Variants in SAMD5 observed in about 807,000 individuals in gnomAD.
The protein encoded by SAMD5 is sterile alpha motif domain-containing protein 5.
A neutral mutation model predicts 11.3 loss-of-function variants in SAMD5; 13 were observed. The ratio of observed to expected loss-of-function variants is 1.15; its 90% CI spans 0.75 to 1.83. The LOEUF (loss-of-function observed/expected upper bound fraction) is 1.83, where lower values mean the gene tolerates loss of function less well. Among genes scored for constraint, SAMD5 ranks in the 40% most tolerant of loss-of-function variants. SAMD5 has a pLI of 0.00. For synonymous variants in SAMD5, 129 were observed against 111.3 expected (o/e 1.16, Z -1.00); for missense variants, 255 against 239.1 (o/e 1.07, Z -0.44).
At chr6:147,787,587 T>G in the SAMD5 span, among the ~76,000 whole-genome samples, 1 of 152,190 alleles carries the variant, frequency 6.6e-6, no homozygotes, top group Non-Finnish European at 1.5e-5. Context: ...TTCTCAATCT[T>G]GTCAGTAATG....
intron 1 of SAMD5, among the ~76,000 whole-genome samples, chr6:147,600,001 T>G (rs950484320): frequency 6.6e-6 from 1 of 152,054 alleles, no homozygotes; most frequent in Non-Finnish European, 1.5e-5. Flanking sequence ...GAGGTGTGTG[T>G]GGGACCAGTC....
At chr6:147,921,672 G>A in the SAMD5 span, among the ~76,000 whole-genome samples, 1 of 152,194 alleles carries the variant, frequency 6.6e-6, no homozygotes, top group Admixed American at 6.5e-5. Context: ...GCATTGGGAG[G>A]TGGTAGTGTT....
intron 1 of SAMD5, among the ~76,000 whole-genome samples, chr6:147,516,265 C>T (rs919493650): frequency 1.3e-5 from 2 of 152,148 alleles, no homozygotes; most frequent in Admixed American, 1.3e-4. Context: ...CCCATCTCCC[C>T]GACTAAGAAA....
the SAMD5 span, among the ~76,000 whole-genome samples, chr6:147,805,424 A>G: frequency 5.4e-5 from 8 of 149,116 alleles, no homozygotes; most frequent in Admixed American, 5.3e-4. Flanking sequence ...GTTATATTGT[A>G]GTAATGGAAA....
the SAMD5 span, among the ~76,000 whole-genome samples, chr6:147,773,916 C>T: frequency 6.6e-6 from 1 of 152,136 alleles, no homozygotes. Flanking sequence ...GATCACAGCT[C>T]ATTGCAGCCT....
intron 1 of SAMD5, among the ~76,000 whole-genome samples, chr6:147,556,946 C>A (rs1183380804): frequency 6.6e-6 from 1 of 152,042 alleles, no homozygotes. Flanking sequence ...ATAAATAAAC[C>A]AGCGGATATT....
At chr6:147,889,068 T>C in the SAMD5 span, among the ~76,000 whole-genome samples, 26 of 152,316 alleles carry the variant, frequency 1.7e-4, no homozygotes, top group Admixed American at 7.8e-4. Context: ...TCAAATACTT[T>C]TTGTTTCCTC....
rs183701933 is a variant in SAMD5, at chr6:147,641,738, C to G, written c.163-95579C>G. Among the ~76,000 whole-genome samples, 9 of 152,246 alleles carry G rather than the reference C, an allele frequency of 5.9e-5. No individual in the cohort carries two copies. The East Asian group carries it at 1.5e-3, about 26-fold the overall frequency. ...AGCGGTCTCAAAACTCCGCTGTGCT[C>G]TTTTCTTCACTGTTGCCAAGCCTTT... On this transcript the variant is annotated intron_variant, in intron 1 of 1. Coordinates refer to the SAMD5 transcript ENST00000566741.
chr6:147,685,711 CTCT>C (rs1388569934), intron 1 of SAMD5, among the ~76,000 whole-genome samples: 1 of 152,034 alleles, frequency 6.6e-6, no homozygotes, highest in East Asian at 1.9e-4. Context: ...GCTTTTTTCT[CTCT>C]TCTTTTTTTT....
intron 1 of SAMD5, among the ~76,000 whole-genome samples, chr6:147,712,097 A>T (rs1279920549): frequency 6.6e-6 from 1 of 152,224 alleles, no homozygotes; most frequent in East Asian, 1.9e-4. Flanking sequence ...TAGTTATTAA[A>T]ATGCATAATA....
At chr6:147,618,007 T>A (rs1307626984) in intron 1 of SAMD5, among the ~76,000 whole-genome samples, 1 of 152,246 alleles carries the variant, frequency 6.6e-6, no homozygotes. Flanking sequence ...CTAATAAGAA[T>A]GACAAAACTT....
chr6:147,662,498 G>A (rs921450413), intron 1 of SAMD5, among the ~76,000 whole-genome samples: 1 of 152,218 alleles, frequency 6.6e-6, no homozygotes, highest in African/African-American at 2.4e-5. Flanking sequence ...CATGAATTAG[G>A]AAAGGATTTA....
chr6:147,588,883 A>T (rs1324464517), intron 1 of SAMD5, among the ~76,000 whole-genome samples: 1 of 152,092 alleles, frequency 6.6e-6, no homozygotes, highest in Non-Finnish European at 1.5e-5. Context: ...TTCGTGAAAT[A>T]CGGTTATGAT....
chr6:147,757,399 T>C, the SAMD5 span, among the ~76,000 whole-genome samples: 2 of 152,282 alleles, frequency 1.3e-5, no homozygotes, highest in Non-Finnish European at 2.9e-5. Context: ...TGACATGTTT[T>C]TATGAGTATA....
chr6:147,668,326 C>T (rs1386582839), intron 1 of SAMD5, among the ~76,000 whole-genome samples: 1 of 152,192 alleles, frequency 6.6e-6, no homozygotes, highest in Non-Finnish European at 1.5e-5. Flanking sequence ...GATCTTTCCA[C>T]ATCAATACAT....
At chr6:147,620,985 TGTGTGCGCGC>T (rs1562335499) in intron 1 of SAMD5, among the ~76,000 whole-genome samples, 94 of 144,708 alleles carry the variant, frequency 6.5e-4, no homozygotes, top group Non-Finnish European at 1.1e-3. Flanking sequence ...TGTGTGTGTG[TGTGTGCGCGC>T]GCGCACATGC....
chr6:147,950,106 TAGG>T, the SAMD5 span, among the ~76,000 whole-genome samples: 38 of 152,306 alleles, frequency 2.5e-4, no homozygotes, highest in African/African-American at 8.7e-4. Flanking sequence ...ACAAGCATCT[TAGG>T]AGAAGGGAAG....
chr6:147,937,178 T>TA, the SAMD5 span, among the ~76,000 whole-genome samples: 1 of 152,208 alleles, frequency 6.6e-6, no homozygotes, highest in Non-Finnish European at 1.5e-5. Context: ...AGTCAAGAGT[T>TA]ACTGAAGGCT....
intron 1 of SAMD5, among the ~76,000 whole-genome samples, chr6:147,563,086 A>G (rs554741340): frequency 1.0e-3 from 154 of 152,366 alleles, no homozygotes; most frequent in Non-Finnish European, 2.0e-3. Flanking sequence ...ACTTAGTATT[A>G]CAGCAAAATA....
Sources: allele counts gnomAD v4.1 joint callset (sites outside exome capture counted in the v4.1 genomes callset), GRCh38; gene constraint gnomAD v4.1.1; transcripts MANE v1.5; gene names NCBI Gene and HGNC (gene_info 2026-07-23, HGNC 2026-07-21).